Variants in RARB observed in about 807,000 individuals in gnomAD.
RARB encodes HBV-activated protein.
In RARB, 17 loss-of-function variants were observed where a neutral mutation model predicts 51.9. That is an observed-to-expected ratio of 0.33 (90% CI 0.22 to 0.49). RARB has a LOEUF of 0.49. RARB is among the 20% of genes least tolerant of loss of function. The pLI is 0.99. For missense variants in RARB, 369 were observed against 550.8 expected, an observed-to-expected ratio of 0.67 and a Z score of 3.30; for synonymous variants, 215 against 195.4, an observed-to-expected ratio of 1.10 and a Z score of -0.84.
chr3:24,891,565 A>G (rs919353524), intron 2 of RARB, among the ~76,000 whole-genome samples: 1 of 152,200 alleles, frequency 6.6e-6, no homozygotes, highest in Non-Finnish European at 1.5e-5. Flanking sequence ...CCCCATCTCT[A>G]TAAATATATA....
rs546046133 is a variant in RARB at position 25,461,668 on chromosome 3, G to A, written c.306+327G>A. ...CCAGCACTTTGGGAGGCCAAGGTGC[G>A]CAATCACTTGAGGTTAGGAGTTTGA... On this transcript the variant is annotated intron_variant, in intron 2 of 7. Transcript: ENST00000330688. 9.2e-5 allele frequency among the ~76,000 whole-genome samples: 14 copies of A among 152,226 alleles called. No individual in the cohort carries two copies. In the East Asian group the frequency reaches 2.1e-3, roughly 23 times the overall value.
intron 5 of RARB, among the ~76,000 whole-genome samples, chr3:25,220,792 CA>C (rs1216281400): frequency 6.6e-6 from 1 of 152,116 alleles, no homozygotes; most frequent in Admixed American, 6.6e-5. Flanking sequence ...TTCTTTATAG[CA>C]GTGTGAAAAT....
intron 2 of RARB, among the ~76,000 whole-genome samples, chr3:24,998,508 G>A (rs1697091489): frequency 6.6e-6 from 1 of 151,958 alleles, no homozygotes; most frequent in Non-Finnish European, 1.5e-5. Flanking sequence ...AAAAAATGGA[G>A]TTTTTGCAGT....
intron 5 of RARB, among the ~76,000 whole-genome samples, chr3:25,238,063 T>G: frequency 6.6e-6 from 1 of 152,196 alleles, no homozygotes; most frequent in East Asian, 1.9e-4. Flanking sequence ...ACATTGCTGT[T>G]ACCTTCTTCT....
At position 24,990,661 on chromosome 3, in the gene RARB, T is replaced by C. The variant is rs143236258; in HGVS notation, c.-379-69464T>C. On this transcript the variant is annotated intron_variant, in intron 2 of 11. Transcript: ENST00000383772. ...TTATTTGTCTAGATCTCAAACAGTATCCCTGTGTTTCTTTTAGTGTTTTTT... is the reference window on the plus strand; with the variant it reads ...TTATTTGTCTAGATCTCAAACAGTACCCCTGTGTTTCTTTTAGTGTTTTTT... Among the ~76,000 whole-genome samples, 712 of 112,576 alleles carry C rather than the reference T, an allele frequency of 6.3e-3. 219 individuals carry two copies. Among genetic ancestry groups the C allele is most frequent in the African/African-American group, 0.024 (689 of 29,238 alleles). 73.9% of individuals were successfully genotyped at this position (112,576 alleles called of 152,430 possible). A position where few individuals can be genotyped will look rare whatever the true frequency, so the allele number is the denominator to read the frequency against.
At chr3:25,466,851 A>G (rs1233914741) in intron 2 of RARB, among the ~76,000 whole-genome samples, 1 of 152,246 alleles carries the variant, frequency 6.6e-6, no homozygotes, top group African/African-American at 2.4e-5. Flanking sequence ...ATGTTTCAAT[A>G]AAACTTTGTT....
chr3:25,063,950 C>G (rs1172724029), intron 3 of RARB, among the ~76,000 whole-genome samples: 1 of 151,960 alleles, frequency 6.6e-6, no homozygotes, highest in African/African-American at 2.4e-5. Flanking sequence ...ATGCCAGATT[C>G]GAATGATCTC....
At chr3:25,245,734 C>A (rs999146053) in intron 5 of RARB, among the ~76,000 whole-genome samples, 2 of 152,152 alleles carry the variant, frequency 1.3e-5, no homozygotes, top group Non-Finnish European at 2.9e-5. Context: ...CTGCCCTTAA[C>A]ATTTTTTTCC....
chr3:25,349,662 A>G (rs1220187910), intron 5 of RARB, among the ~76,000 whole-genome samples: 4 of 152,212 alleles, frequency 2.6e-5, no homozygotes, highest in African/African-American at 9.6e-5. Context: ...ATTCTAAACA[A>G]ACAAAAAAAA....
At chr3:24,922,266 G>T (rs1695231819) in intron 2 of RARB, among the ~76,000 whole-genome samples, 1 of 152,208 alleles carries the variant, frequency 6.6e-6, no homozygotes. Context: ...TGTAAAATGT[G>T]AAGCATAATT....
intron 3 of RARB, among the ~76,000 whole-genome samples, chr3:25,079,987 C>A (rs778985913): frequency 1.1e-4 from 16 of 152,108 alleles, no homozygotes; most frequent in Admixed American, 3.9e-4. Flanking sequence ...TTTAAGTGTA[C>A]AATTCAGTGG....
At chr3:25,304,038 T>A (rs184239617) in intron 5 of RARB, among the ~76,000 whole-genome samples, 3 of 152,266 alleles carry the variant, frequency 2.0e-5, no homozygotes, top group Admixed American at 6.5e-5. Flanking sequence ...CCTAGACCCA[T>A]CTTGACTTCA....
At chr3:25,297,078 G>C (rs1165890944) in intron 5 of RARB, among the ~76,000 whole-genome samples, 1 of 152,196 alleles carries the variant, frequency 6.6e-6, no homozygotes, top group Non-Finnish European at 1.5e-5. Flanking sequence ...TATCTGGCCT[G>C]TGTAGACTTA....
At chr3:25,525,125 A>G (rs1400939738) in intron 3 of RARB, among the ~76,000 whole-genome samples, 2 of 152,224 alleles carry the variant, frequency 1.3e-5, no homozygotes, top group African/African-American at 4.8e-5. Flanking sequence ...TCATAACATT[A>G]TAAAGTGTTC....
chr3:24,904,184 A>T (rs771765102), intron 2 of RARB, among the ~76,000 whole-genome samples: 50 of 152,192 alleles, frequency 3.3e-4, no homozygotes, highest in African/African-American at 1.1e-3. Flanking sequence ...CAACTGTCTT[A>T]TCTTTAAAAT....
Position 24,989,774 on chromosome 3 carries a change from C to CTTTTTTTTTT in RARB, c.-379-70324_-379-70315dup, listed in dbSNP as rs769275874. 3.0e-3 allele frequency among the ~76,000 whole-genome samples: 88 copies of CTTTTTTTTTT among 29,532 alleles called. 19 individuals carry two copies. Among genetic ancestry groups the CTTTTTTTTTT allele is most frequent in the Non-Finnish European group, 4.5e-3 (73 of 16,230 alleles). The allele number at this position is 29,532 out of a possible 152,430, so 19.4% of individuals were successfully genotyped here. ...ATTTTAACTGTTGTCATATGTTTTT[C>CTTTTTTTTTT]TTTTTTTTTTTTTTTTTTTTTTTTT... On this transcript the variant is annotated intron_variant, in intron 2 of 11. Transcript: ENST00000383772.
intron 5 of RARB, among the ~76,000 whole-genome samples, chr3:25,245,909 G>C (rs779130051): frequency 6.6e-6 from 1 of 152,134 alleles, no homozygotes; most frequent in Non-Finnish European, 1.5e-5. Context: ...ATCCTGAAGT[G>C]TGTTTTCCAA....
At chr3:25,528,157 G>T (rs757033202) in intron 3 of RARB, among the ~76,000 whole-genome samples, 4 of 152,182 alleles carry the variant, frequency 2.6e-5, no homozygotes, top group Non-Finnish European at 4.4e-5. Flanking sequence ...GCCAAGCCTC[G>T]AGTGTTTGGA....
At chr3:25,004,294 G>A (rs1196137377) in intron 2 of RARB, among the ~76,000 whole-genome samples, 2 of 152,090 alleles carry the variant, frequency 1.3e-5, no homozygotes, top group Admixed American at 1.3e-4. Flanking sequence ...AAATCAAATA[G>A]GATTTAGTGA....
Sources: allele counts gnomAD v4.1 joint callset (sites outside exome capture counted in the v4.1 genomes callset), GRCh38; gene constraint gnomAD v4.1.1; transcripts MANE v1.5; gene names NCBI Gene and HGNC (gene_info 2026-07-23, HGNC 2026-07-21).